Variants in RBFOX1 observed in about 807,000 individuals in gnomAD.
RBFOX1 encodes RNA binding protein fox-1 homolog 1.
A neutral mutation model predicts 57.7 loss-of-function variants in RBFOX1; 8 were observed. The ratio of observed to expected loss-of-function variants is 0.14; its 90% CI spans 0.08 to 0.25. RBFOX1 has a LOEUF of 0.25. RBFOX1 is among the 10% of genes least tolerant of loss of function. The pLI, the probability that RBFOX1 is intolerant of heterozygous loss-of-function variation, is 1.00. For missense variants in RBFOX1, 611 were observed against 548.5 expected (o/e 1.11, Z -1.14); for synonymous variants, 326 against 222.4 (o/e 1.47, Z -4.15).
chr16:6,476,712 A>G (rs2095278304), intron 2 of RBFOX1, among the ~76,000 whole-genome samples: 2 of 152,160 alleles, frequency 1.3e-5, no homozygotes, highest in Admixed American at 6.5e-5. Context: ...ATCTCTTAAA[A>G]TGAGGAAACA....
At chr16:7,229,504 AG>A (rs909943439) in intron 4 of RBFOX1, among the ~76,000 whole-genome samples, 5 of 146,060 alleles carry the variant, frequency 3.4e-5, no homozygotes, top group African/African-American at 1.2e-4. Flanking sequence ...GCAGGAAGGA[AG>A]GAAGGGAAAG....
At chr16:7,186,855 T>C (rs1026947068) in intron 4 of RBFOX1, among the ~76,000 whole-genome samples, 29 of 151,660 alleles carry the variant, frequency 1.9e-4, no homozygotes, top group Non-Finnish European at 3.1e-4. Context: ...TTATGACTTA[T>C]TTTTAAAATA....
At chr16:7,309,805 G>C (rs1368132016) in intron 4 of RBFOX1, among the ~76,000 whole-genome samples, 1 of 152,184 alleles carries the variant, frequency 6.6e-6, no homozygotes, top group Non-Finnish European at 1.5e-5. Context: ...GTGCCTAAGG[G>C]GGTTGGGTGA....
intron 3 of RBFOX1, among the ~76,000 whole-genome samples, chr16:6,887,410 A>T (rs993421640): frequency 2.6e-5 from 4 of 152,260 alleles, no homozygotes; most frequent in African/African-American, 9.6e-5. Context: ...CCGAAAGGAT[A>T]TGGTTGTATC....
chr16:5,296,436 A>G (rs947254480), intron 1 of RBFOX1, among the ~76,000 whole-genome samples: 3 of 152,086 alleles, frequency 2.0e-5, no homozygotes, highest in Non-Finnish European at 4.4e-5. Context: ...CATTGAGTCT[A>G]TTTAATTGAA....
At chr16:7,305,486 A>C (rs796391850) in intron 4 of RBFOX1, among the ~76,000 whole-genome samples, 48 of 152,202 alleles carry the variant, frequency 3.2e-4, no homozygotes, top group African/African-American at 1.1e-3. Flanking sequence ...ATCCTATTCT[A>C]TGAAGGTTTA....
At chr16:6,892,185 C>T (rs1021549783) in intron 3 of RBFOX1, among the ~76,000 whole-genome samples, 1 of 152,110 alleles carries the variant, frequency 6.6e-6, no homozygotes, top group African/African-American at 2.4e-5. Context: ...CGATTTTATG[C>T]AAAGTTAATG....
intron 4 of RBFOX1, among the ~76,000 whole-genome samples, chr16:7,439,533 G>T (rs1055203304): frequency 7.9e-5 from 12 of 152,144 alleles, no homozygotes; most frequent in African/African-American, 2.7e-4. Flanking sequence ...AAGTCGATAG[G>T]AGATTTGCAA....
At chr16:5,347,204 C>T (rs1356061605) in intron 1 of RBFOX1, among the ~76,000 whole-genome samples, 2 of 151,998 alleles carry the variant, frequency 1.3e-5, no homozygotes, top group Admixed American at 1.3e-4. Context: ...ATATGTTTTC[C>T]TTATTTATTA....
At chr16:7,446,006 C>G (rs2098804813) in intron 4 of RBFOX1, among the ~76,000 whole-genome samples, 1 of 152,166 alleles carries the variant, frequency 6.6e-6, no homozygotes, top group Non-Finnish European at 1.5e-5. Flanking sequence ...TTTCTAATCT[C>G]AGCCTGCCCA....
chr16:6,467,979 A>G (rs754175704), intron 2 of RBFOX1, among the ~76,000 whole-genome samples: 7 of 152,232 alleles, frequency 4.6e-5, no homozygotes, highest in Non-Finnish European at 5.9e-5. Flanking sequence ...TCTAATGGTC[A>G]TCTTAGCACC....
intron 1 of RBFOX1, among the ~76,000 whole-genome samples, chr16:5,368,825 C>T (rs907162077): frequency 1.3e-5 from 2 of 152,146 alleles, no homozygotes; most frequent in Non-Finnish European, 2.9e-5. Context: ...TATTCTGAGA[C>T]CTCCAAGCAT....
chr16:6,628,441 A>C (rs1471981384), intron 2 of RBFOX1, among the ~76,000 whole-genome samples: 1 of 152,218 alleles, frequency 6.6e-6, no homozygotes, highest in Non-Finnish European at 1.5e-5. Context: ...CAAATATAGA[A>C]AATATGAAAG....
At chr16:7,195,497 G>A (rs1427684954) in intron 4 of RBFOX1, among the ~76,000 whole-genome samples, 7 of 152,164 alleles carry the variant, frequency 4.6e-5, no homozygotes, top group Non-Finnish European at 8.8e-5. Context: ...GCACAGATTT[G>A]AAAGACTGTT....
intron 1 of RBFOX1, among the ~76,000 whole-genome samples, chr16:5,439,151 G>A (rs1015438057): frequency 1.3e-5 from 2 of 152,064 alleles, no homozygotes; most frequent in African/African-American, 2.4e-5. Context: ...AGCAAGCAGG[G>A]TGGGATAAGG....
At chr16:6,207,773 A>G (rs1195207986) in intron 1 of RBFOX1, among the ~76,000 whole-genome samples, 2 of 152,050 alleles carry the variant, frequency 1.3e-5, no homozygotes, top group African/African-American at 4.8e-5. Context: ...CTGTAGCCTC[A>G]AAGCCCTGGG....
At chr16:7,705,514 A>C (rs74575857) in intron 14 of RBFOX1, among the ~76,000 whole-genome samples, 14,290 of 152,136 alleles carry the variant, frequency 0.094, 733 homozygotes, top group Middle Eastern at 0.11. Flanking sequence ...AAAAAATATT[A>C]AATTTTTTAA....
intron 4 of RBFOX1, among the ~76,000 whole-genome samples, chr16:5,937,090 A>T (rs2059182890): frequency 6.7e-6 from 1 of 150,180 alleles, no homozygotes; most frequent in South Asian, 2.1e-4. Flanking sequence ...GTAAGGGCTA[A>T]AGTCTAGTGT....
At chr16:7,427,690 G>A (rs576086484) in intron 4 of RBFOX1, among the ~76,000 whole-genome samples, 1 of 150,424 alleles carries the variant, frequency 6.6e-6, no homozygotes, top group South Asian at 2.1e-4. Flanking sequence ...TGTTTCCCAG[G>A]CTAGAGTGCA....
Sources: allele counts gnomAD v4.1 joint callset (sites outside exome capture counted in the v4.1 genomes callset), GRCh38; gene constraint gnomAD v4.1.1; transcripts MANE v1.5; gene names NCBI Gene and HGNC (gene_info 2026-07-23, HGNC 2026-07-21).